Variants in SLC28A1 observed in about 807,000 individuals in gnomAD.
The protein encoded by SLC28A1 is solute carrier family 28 member 1.
SLC28A1 carries 64 observed loss-of-function variants against 74.8 expected under a neutral mutation model. The ratio of observed to expected loss-of-function variants is 0.86; its 90% confidence interval spans 0.70 to 1.05. The LOEUF (loss-of-function observed/expected upper bound fraction) is 1.05, where lower values mean the gene tolerates loss of function less well. Ranked by LOEUF, SLC28A1 falls within the 50% of genes least tolerant of loss-of-function variation. The pLI, the probability that SLC28A1 is intolerant of heterozygous loss-of-function variation, is 0.00. For synonymous variants in SLC28A1, 359 were observed against 335.0 expected, an observed-to-expected ratio of 1.07 and a Z score of -0.78; for missense variants, 828 against 822.8, an observed-to-expected ratio of 1.01 and a Z score of -0.08.
the SLC28A1 span, among the ~76,000 whole-genome samples, chr15:84,964,105 T>C: frequency 1.3e-5 from 2 of 152,208 alleles, no homozygotes; most frequent in African/African-American, 4.8e-5. Flanking sequence ...GATTCTCCTG[T>C]CTTGGCCCCT....
At chr15:84,950,920 T>C in the SLC28A1 span, among the ~76,000 whole-genome samples, 1 of 152,200 alleles carries the variant, frequency 6.6e-6, no homozygotes, top group Non-Finnish European at 1.5e-5. Flanking sequence ...GCACTTGTAG[T>C]TGAAAGCAGC....
At chr15:84,940,189 A>G (rs1444034498) in intron 15 of SLC28A1, among the ~76,000 whole-genome samples, 1 of 152,194 alleles carries the variant, frequency 6.6e-6, no homozygotes, top group African/African-American at 2.4e-5. Context: ...GAGACAACTA[A>G]AGATGAAGGC....
intron 6 of SLC28A1, among the ~76,000 whole-genome samples, chr15:84,901,538 A>C (rs1966691815): frequency 6.6e-6 from 1 of 152,038 alleles, no homozygotes; most frequent in Non-Finnish European, 1.5e-5. Flanking sequence ...AAACAAACAA[A>C]AAACAAAAAA....
At chr15:84,965,095 G>A in the SLC28A1 span, among the ~76,000 whole-genome samples, 1 of 152,176 alleles carries the variant, frequency 6.6e-6, no homozygotes, top group African/African-American at 2.4e-5. Context: ...GTCATGGGAG[G>A]GACCTGGTGG....
chr15:84,939,716 G>A (rs1972416775), intron 15 of SLC28A1: 1 of 151,954 alleles, frequency 6.6e-6, no homozygotes, highest in African/African-American at 2.4e-5. Context: ...TGCACAAGAA[G>A]CAAGCACAGG....
At chr15:84,903,143 G>A (rs1371559315) in intron 6 of SLC28A1, among the ~76,000 whole-genome samples, 1 of 152,236 alleles carries the variant, frequency 6.6e-6, no homozygotes, top group Non-Finnish European at 1.5e-5. Context: ...AATGAGAAGA[G>A]TTTAAAAATA....
intron 6 of SLC28A1, among the ~76,000 whole-genome samples, chr15:84,902,457 G>A (rs2141754768): frequency 6.8e-6 from 1 of 146,784 alleles, no homozygotes; most frequent in African/African-American, 2.5e-5. Context: ...TGCAGCTTGA[G>A]CAATGGAATG....
intron 12 of SLC28A1, among the ~76,000 whole-genome samples, chr15:84,926,802 A>AGGGGGGGGGGGGGGGGGGGGGG (rs544419272): frequency 9.2e-6 from 1 of 108,188 alleles, no homozygotes; most frequent in African/African-American, 3.7e-5. Flanking sequence ...GGGTGGGGGG[A>AGGGGGGGGGGGGGGGGGGGGGG]GGGGGGGGGT....
intron 6 of SLC28A1, among the ~76,000 whole-genome samples, chr15:84,896,300 T>C (rs757805055): frequency 2.0e-5 from 3 of 152,200 alleles, no homozygotes; most frequent in Non-Finnish European, 4.4e-5. Flanking sequence ...TGATGAATGA[T>C]AAAAGGTTTT....
At chr15:84,935,814 C>T (rs769081097) in intron 15 of SLC28A1, among the ~76,000 whole-genome samples, 60 of 152,124 alleles carry the variant, frequency 3.9e-4, no homozygotes, top group Non-Finnish European at 7.8e-4. Context: ...CAGTACCTTG[C>T]CTCTTCTGTT....
chr15:84,888,871 T>C lies in SLC28A1; in HGVS notation c.185+11T>C. On this transcript the variant is annotated intron_variant, in intron 4 of 18. Coordinates refer to ENST00000394573, the MANE Select transcript of SLC28A1 (RefSeq NM_004213.5). ...GCCCTTCTCCAGATGGTAGGTGATC[T>C]CTGGAGAGACAAGGGCGGGCCTGGG... 1.9e-6 allele frequency: 3 copies of C among 1,544,842 alleles called. No homozygotes were observed. Among genetic ancestry groups the C allele is most frequent in the East Asian group, 4.9e-5 (2 of 40,886 alleles).
rs1043324970 is a variant in SLC28A1, at chr15:84,885,750, G to A, written c.-132-922G>A. Among the ~76,000 whole-genome samples the A allele has an allele frequency of 1.1e-4, 15 of 134,264 alleles. 1 individual carries two copies. The East Asian group carries it at 2.8e-3, about 25-fold the overall frequency. The allele number at this position is 134,264 out of a possible 152,430, so 88.1% of individuals were successfully genotyped here. A position where few individuals can be genotyped will look rare whatever the true frequency, so the allele number is the denominator to read the frequency against. Reference sequence around the variant, plus strand: ...CCGTCTCAAAAAAAAAAAAAAAAAGGAGGAAAATGCCACACAAACTCAATA... The same window carrying A: ...CCGTCTCAAAAAAAAAAAAAAAAAGAAGGAAAATGCCACACAAACTCAATA... On this transcript the variant is annotated intron_variant, in intron 1 of 18. Coordinates refer to ENST00000394573, the MANE Select transcript of SLC28A1 (RefSeq NM_004213.5).
chr15:84,973,683 CTCA>C, the SLC28A1 span, among the ~76,000 whole-genome samples: 2 of 152,218 alleles, frequency 1.3e-5, no homozygotes, highest in Non-Finnish European at 2.9e-5. Context: ...CATCACAGCA[CTCA>C]TCATCTTGTA....
intron 10 of SLC28A1, among the ~76,000 whole-genome samples, chr15:84,919,025 C>T (rs1390159748): frequency 6.6e-6 from 1 of 152,174 alleles, no homozygotes; most frequent in East Asian, 1.9e-4. Flanking sequence ...ACCAAATGTC[C>T]TTTCCCAGGG....
chr15:84,886,895 C>T (rs1221753806), intron 2 of SLC28A1, 108 bp downstream of exon 2: 2 of 498,862 alleles, frequency 4.0e-6, no homozygotes, highest in Admixed American at 1.3e-4. Context: ...GCACGGGTCT[C>T]TGAGTATGTC....
chr15:84,952,265 T>C, the SLC28A1 span, among the ~76,000 whole-genome samples: 1 of 152,208 alleles, frequency 6.6e-6, no homozygotes, highest in East Asian at 1.9e-4. Flanking sequence ...TTTCTCATCC[T>C]CACACAGGCT....
At chr15:84,920,909 G>A (rs1017186651) in intron 10 of SLC28A1, 80 bp from the exon 11 acceptor site, 1 of 1,103,452 alleles carries the variant, frequency 9.1e-7, no homozygotes. Context: ...AGGAAACTGT[G>A]TAAGGTCTTC....
intron 5 of SLC28A1, among the ~76,000 whole-genome samples, chr15:84,891,387 G>T (rs1316740717): frequency 6.6e-6 from 1 of 152,190 alleles, no homozygotes; most frequent in East Asian, 1.9e-4. Flanking sequence ...GAGGATGATG[G>T]TGTCTTCCAC....
Position 84,935,166 on chromosome 15 carries a change from T to C in SLC28A1, c.1355T>C (p.Met452Thr). 2 of 1,613,984 alleles carry C rather than the reference T, an allele frequency of 1.2e-6. No individual in the cohort carries two copies. The change falls in exon 14 of 19, where the codon ATG becomes ACG. Residue 452 changes from methionine to threonine, a missense_variant. Transcript: ENST00000394573. ...INAALSWLGDMVDIQGLSFQL... is the reference protein window; with the variant it reads ...INAALSWLGDTVDIQGLSFQL... ...GCTGCCCTCTCCTGGCTGGGAGACA[T>C]GGTGGACATCCAAGGGCTCAGCTTC...
Sources: allele counts gnomAD v4.1 joint callset (sites outside exome capture counted in the v4.1 genomes callset), GRCh38; gene constraint gnomAD v4.1.1; transcripts MANE v1.5; gene names NCBI Gene and HGNC (gene_info 2026-07-23, HGNC 2026-07-21).